TENM3: variants seen among roughly 807,000 people sequenced by gnomAD.
The protein encoded by TENM3 is teneurin transmembrane protein 3.
In TENM3, 63 loss-of-function variants were observed where a neutral mutation model predicts 255.1. That is an observed-to-expected ratio of 0.25 (90% CI 0.20 to 0.30). The LOEUF (loss-of-function observed/expected upper bound fraction) is 0.30. TENM3 is among the 10% of genes least tolerant of loss of function. The pLI is 1.00. For missense variants in TENM3, 2,929 were observed against 3,461.1 expected (o/e 0.85, Z 3.86); for synonymous variants, 1,306 against 1,322.3 (o/e 0.99, Z 0.27).
At chr4:181,493,988 C>A in the TENM3 span, among the ~76,000 whole-genome samples, 1 of 152,084 alleles carries the variant, frequency 6.6e-6, no homozygotes, top group Non-Finnish European at 1.5e-5. Context: ...AGGCAGTAAT[C>A]AAGGAAATTT....
In TENM3 at chr4:182,780,532, G is replaced by A. The variant is rs1393543214; in HGVS notation, c.5304+5379G>A. Among the ~76,000 whole-genome samples the A allele has an allele frequency of 6.0e-5, 7 of 116,468 alleles. No individual in the cohort carries two copies. The South Asian group carries it at 9.9e-4, about 16-fold the overall frequency. 76.4% of individuals were successfully genotyped at this position (116,468 alleles called of 152,430 possible). The stretch of plus-strand genomic sequence containing the variant: ...TCTTTTGGCTTAGGATTGACTTGGC[G>A]ATGCGGGCTCTTTTTTGGTTCCATA... On this transcript the variant is annotated intron_variant, in intron 24 of 27. Coordinates refer to ENST00000511685, the MANE Select transcript of TENM3 (RefSeq NM_001080477.4).
At chr4:181,758,753 C>T in the TENM3 span, among the ~76,000 whole-genome samples, 1 of 152,314 alleles carries the variant, frequency 6.6e-6, no homozygotes, top group East Asian at 1.9e-4. Context: ...TAAAAGCCAG[C>T]ACCTACATCG....
At chr4:182,632,964 C>G (rs1751517707) in intron 5 of TENM3, among the ~76,000 whole-genome samples, 1 of 152,138 alleles carries the variant, frequency 6.6e-6, no homozygotes, top group African/African-American at 2.4e-5. Flanking sequence ...AGATCTCACT[C>G]TGTCTCACAG....
the TENM3 span, among the ~76,000 whole-genome samples, chr4:182,026,807 C>T: frequency 5.9e-5 from 9 of 152,118 alleles, no homozygotes; most frequent in South Asian, 1.5e-3. Context: ...TTACTCTGTT[C>T]CATTTGATCA....
At chr4:181,533,402 C>T in the TENM3 span, among the ~76,000 whole-genome samples, 1 of 152,154 alleles carries the variant, frequency 6.6e-6, no homozygotes, top group South Asian at 2.1e-4. Flanking sequence ...TGATCAGTCA[C>T]CCTCTGGGGA....
the TENM3 span, among the ~76,000 whole-genome samples, chr4:181,633,687 C>T: frequency 6.6e-6 from 1 of 152,172 alleles, no homozygotes; most frequent in Non-Finnish European, 1.5e-5. Context: ...AGACTCAGAA[C>T]TGATGTCTGA....
chr4:182,281,174 G>A (rs1414525408), intron 1 of TENM3, among the ~76,000 whole-genome samples: 1 of 152,084 alleles, frequency 6.6e-6, no homozygotes, highest in Non-Finnish European at 1.5e-5. Flanking sequence ...AGCCACACTG[G>A]GACATATGGT....
the TENM3 span, among the ~76,000 whole-genome samples, chr4:181,857,010 G>A: frequency 6.6e-6 from 1 of 152,074 alleles, no homozygotes; most frequent in Non-Finnish European, 1.5e-5. Context: ...CAATTTCTGG[G>A]GCAAACCATG....
chr4:182,184,235 T>TA (rs1753011022), intron 1 of TENM3, among the ~76,000 whole-genome samples: 1 of 152,232 alleles, frequency 6.6e-6, no homozygotes, highest in African/African-American at 2.4e-5. Context: ...TCTAGGTTTC[T>TA]AAGACTGAAA....
At chr4:182,788,237 T>C (rs1437573444) in intron 24 of TENM3, among the ~76,000 whole-genome samples, 1 of 152,218 alleles carries the variant, frequency 6.6e-6, no homozygotes, top group Non-Finnish European at 1.5e-5. Context: ...GAATAGGCCA[T>C]GGTCTCTGCC....
At chr4:182,063,323 A>G in the TENM3 span, among the ~76,000 whole-genome samples, 31 of 152,348 alleles carry the variant, frequency 2.0e-4, 1 homozygote, top group Middle Eastern at 3.4e-3. Flanking sequence ...TAATTTGTCT[A>G]TATGGACCTA....
At chr4:181,656,618 G>T in the TENM3 span, among the ~76,000 whole-genome samples, 4 of 152,122 alleles carry the variant, frequency 2.6e-5, no homozygotes, top group African/African-American at 9.7e-5. Flanking sequence ...TAGGCCTAAA[G>T]GTGAAGGTGG....
At chr4:182,141,428 G>A (rs1324388794), upstream of TENM3, 1 of 152,228 alleles carries the variant, frequency 6.6e-6, no homozygotes, top group Non-Finnish European at 1.5e-5. Context: ...GGAAGCGTGT[G>A]GTAGTTTGGC....
intron 3 of TENM3, among the ~76,000 whole-genome samples, chr4:182,521,259 TTGA>T (rs956585075): frequency 1.9e-4 from 29 of 152,236 alleles, no homozygotes; most frequent in African/African-American, 6.0e-4. Flanking sequence ...GAGAAGCAAC[TTGA>T]TGATAGGAAG....
At chr4:182,314,416 ATAAG>A (rs1178355318) in intron 1 of TENM3, among the ~76,000 whole-genome samples, 2 of 152,244 alleles carry the variant, frequency 1.3e-5, no homozygotes, top group Non-Finnish European at 2.9e-5. Context: ...GGATAAGTGA[ATAAG>A]TAAAGAAATC....
chr4:182,477,866 A>G (rs981116360), intron 3 of TENM3, among the ~76,000 whole-genome samples: 1 of 152,168 alleles, frequency 6.6e-6, no homozygotes, highest in Non-Finnish European at 1.5e-5. Context: ...ATATTGAAAA[A>G]CAAAGTAAAA....
intron 5 of TENM3, among the ~76,000 whole-genome samples, chr4:182,642,007 G>A (rs1752358749): frequency 6.6e-6 from 1 of 152,126 alleles, no homozygotes; most frequent in South Asian, 2.1e-4. Flanking sequence ...CAATATTTTG[G>A]GAAGCAGGGA....
At position 182,248,100 on chromosome 4, in the gene TENM3, G is replaced by A. The variant is rs377653304; in HGVS notation, c.-76+4624G>A. ...TAATTGCCTTTAGGCTTTTAAGCAAGCATATATGAAATACATTTCATTATT... is the reference window on the plus strand; with the variant it reads ...TAATTGCCTTTAGGCTTTTAAGCAAACATATATGAAATACATTTCATTATT... On this transcript the variant is annotated intron_variant, in intron 1 of 27. Coordinates refer to ENST00000511685, the MANE Select transcript of TENM3 (RefSeq NM_001080477.4). Among the ~76,000 whole-genome samples, 153 of 152,194 alleles carry A rather than the reference G, an allele frequency of 1.0e-3. No individual in the cohort carries two copies. In the Middle Eastern group the frequency reaches 0.01, roughly 10 times the overall value.
At chr4:182,325,657 A>G (rs766203703) in intron 2 of TENM3, among the ~76,000 whole-genome samples, 1 of 152,206 alleles carries the variant, frequency 6.6e-6, no homozygotes, top group Non-Finnish European at 1.5e-5. Context: ...AATAGTAAGT[A>G]GTGTAGAAAT....
Sources: gnomAD v4.1 joint callset for allele counts (sites outside exome capture counted in the v4.1 genomes callset) on GRCh38, gnomAD v4.1.1 for gene constraint, MANE v1.5 for transcripts, NCBI Gene and HGNC (gene_info 2026-07-23, HGNC 2026-07-21) for gene names.